Variants in COL4A2 observed in about 807,000 individuals in gnomAD.
The protein encoded by COL4A2 is collagen type IV alpha 2 chain, also known as collagen alpha-2(IV) chain.
Under a neutral mutation model 200.2 loss-of-function variants are expected in COL4A2, and 99 were observed. The ratio of observed to expected loss-of-function variants is 0.49; its 90% confidence interval spans 0.42 to 0.58. The LOEUF is 0.58. COL4A2 is among the 20% of genes least tolerant of loss of function. The probability of loss-of-function intolerance (pLI) is 0.00; values close to 1 mark genes in which losing one functional copy is unlikely to be tolerated. For synonymous variants in COL4A2, 897 were observed against 900.6 expected (o/e 1.00, Z 0.07); for missense variants, 1,950 against 2,314.1 (o/e 0.84, Z 3.23).
intron 3 of COL4A2, among the ~76,000 whole-genome samples, chr13:110,357,184 T>C (rs1238092626): frequency 6.6e-6 from 1 of 152,156 alleles, no homozygotes. Context: ...GTAACCAGCA[T>C]ACAGGTTGGT....
intron 4 of COL4A2, among the ~76,000 whole-genome samples, chr13:110,384,397 A>G (rs1318055904): frequency 6.6e-6 from 1 of 152,198 alleles, no homozygotes; most frequent in Non-Finnish European, 1.5e-5. Context: ...TTCGGTGTGA[A>G]GCATTATCAC....
intron 4 of COL4A2, among the ~76,000 whole-genome samples, chr13:110,358,842 G>A (rs1002910432): frequency 1.3e-5 from 2 of 152,108 alleles, no homozygotes; most frequent in African/African-American, 4.8e-5. Flanking sequence ...GCAAAATTGG[G>A]TCAATGTATA....
Position 110,480,397 on chromosome 13 carries a change from G to A in COL4A2, c.2758+7G>A. The A allele has an allele frequency of 1.9e-6, 3 of 1,607,268 alleles. No homozygotes were observed. Among genetic ancestry groups the A allele is most frequent in the Non-Finnish European group, 2.5e-6 (3 of 1,176,646 alleles). The stretch of plus-strand genomic sequence containing the variant: ...GGGACCCCCGGGCTAAAAGGTAATT[G>A]TGTGACTGTGACCAGGGATCCCTTG... On this transcript the variant is annotated splice_region_variant and intron_variant, in intron 31 of 47. Transcript: ENST00000360467.
At chr13:110,436,637 T>C (rs1880898353) in intron 13 of COL4A2, among the ~76,000 whole-genome samples, 1 of 151,922 alleles carries the variant, frequency 6.6e-6, no homozygotes, top group Non-Finnish European at 1.5e-5. Context: ...AAAAAACTTA[T>C]ATCTATCCTT....
chr13:110,505,543 G>A lies in COL4A2; in HGVS notation c.4403-872G>A, dbSNP rs1382641525. 4.6e-5 allele frequency among the ~76,000 whole-genome samples: 7 copies of A among 152,246 alleles called. No homozygotes were observed. The East Asian group carries it at 1.2e-3, about 25-fold the overall frequency. On this transcript the variant is annotated intron_variant, in intron 45 of 47. Transcript: ENST00000360467. The stretch of plus-strand genomic sequence containing the variant: ...AAGCTAGGGATGGTGGAGGGGAAGT[G>A]TCCTGGGAGAAAGGGCCATGACCAT...
intron 47 of COL4A2, among the ~76,000 whole-genome samples, chr13:110,510,673 GTGTGTGCA>G (rs747964446): frequency 1.1e-4 from 17 of 152,218 alleles, no homozygotes; most frequent in African/African-American, 1.7e-4. Flanking sequence ...TGTACACCAT[GTGTGTGCA>G]TGTGTGCATG....
chr13:110,383,435 C>G (rs1305086209), intron 4 of COL4A2, among the ~76,000 whole-genome samples: 1 of 152,096 alleles, frequency 6.6e-6, no homozygotes. Context: ...AATGCTAATA[C>G]TGTACTGCAG....
intron 4 of COL4A2, among the ~76,000 whole-genome samples, chr13:110,404,648 T>A (rs1302793040): frequency 2.6e-5 from 4 of 152,064 alleles, no homozygotes; most frequent in Non-Finnish European, 4.4e-5. Flanking sequence ...GGGAGGTGGG[T>A]CTGAGAAACA....
intron 3 of COL4A2, among the ~76,000 whole-genome samples, chr13:110,345,433 G>T (rs1409715936): frequency 6.6e-6 from 1 of 152,198 alleles, no homozygotes; most frequent in Non-Finnish European, 1.5e-5. Flanking sequence ...GAAGCCTGCT[G>T]TTCCTGGGAA....
intron 3 of COL4A2, among the ~76,000 whole-genome samples, chr13:110,343,211 G>C (rs1163576275): frequency 6.6e-6 from 1 of 152,004 alleles, no homozygotes; most frequent in East Asian, 1.9e-4. Context: ...GAGAGGAGTG[G>C]GATTGAAAAT....
chr13:110,503,333 G>GC (rs1883716897), intron 42 of COL4A2, 50 bp from the exon 43 acceptor site: 1 of 1,588,224 alleles, frequency 6.3e-7, no homozygotes, highest in South Asian at 1.1e-5. Flanking sequence ...AGTGAGAGGA[G>GC]CCCCCTCCCC....
chr13:110,476,735 G>A (rs528019470), intron 29 of COL4A2, among the ~76,000 whole-genome samples: 1 of 152,336 alleles, frequency 6.6e-6, no homozygotes, highest in Non-Finnish European at 1.5e-5. Flanking sequence ...CACGAAGAGA[G>A]GGGGAAATGC....
Position 110,486,786 on chromosome 13 carries a change from G to T in COL4A2, c.3207+950G>T, listed in dbSNP as rs145142570. On this transcript the variant is annotated intron_variant, in intron 34 of 47. Transcript: ENST00000360467. ...GTTGTTCTCTGGCGGGCAGGAGTGGGGGTCACAAGGTGCTCAGTAGGGGAG... is the reference window on the plus strand; with the variant it reads ...GTTGTTCTCTGGCGGGCAGGAGTGGTGGTCACAAGGTGCTCAGTAGGGGAG... Among the ~76,000 whole-genome samples, 716 of 152,196 alleles carry T rather than the reference G, an allele frequency of 4.7e-3. 8 individuals are homozygous for T. The highest frequency in any genetic ancestry group is 0.016 in the African/African-American group (683 of 41,522).
At position 110,482,664 on chromosome 13, in the gene COL4A2, G is replaced by C. The variant is rs377140964; in HGVS notation, c.2902+5G>C. 3.5e-5 allele frequency: 56 copies of C among 1,612,918 alleles called. No individual in the cohort carries two copies. Among genetic ancestry groups the C allele is most frequent in the Non-Finnish European group, 3.3e-5 (39 of 1,179,230 alleles). ...CTGGTGAGCCAGGTTTTAAAGGTAT[G>C]TCCCTCTCTTAACATCCTCCTTACC... On this transcript the variant is annotated splice_donor_5th_base_variant and intron_variant, in intron 32 of 47. Coordinates refer to ENST00000360467, the MANE Select transcript of COL4A2 (RefSeq NM_001846.4).
At chr13:110,444,243 C>T (rs1052531332) in intron 16 of COL4A2, among the ~76,000 whole-genome samples, 2 of 152,172 alleles carry the variant, frequency 1.3e-5, no homozygotes, top group African/African-American at 4.8e-5. Flanking sequence ...GTCTGGGGTG[C>T]TTGTTTTGTT....
chr13:110,420,126 G>GC (rs1880191350), intron 4 of COL4A2, among the ~76,000 whole-genome samples: 1 of 152,028 alleles, frequency 6.6e-6, no homozygotes. Flanking sequence ...CCCAGGTGAC[G>GC]CCGACACAGA....
At chr13:110,460,485 A>T (rs1188353595) in intron 22 of COL4A2, among the ~76,000 whole-genome samples, 1 of 152,200 alleles carries the variant, frequency 6.6e-6, no homozygotes, top group Non-Finnish European at 1.5e-5. Context: ...TGGCAAAGCT[A>T]GTAGGATCCT....
intron 18 of COL4A2, among the ~76,000 whole-genome samples, chr13:110,447,436 G>A (rs555611301): frequency 7.6e-4 from 115 of 152,222 alleles, no homozygotes; most frequent in African/African-American, 2.3e-3. Context: ...TGCGCATGTC[G>A]TCACTAATGC....
chr13:110,476,226 C>T lies in COL4A2; in HGVS notation c.2426-1777C>T, dbSNP rs200512679. Among the ~76,000 whole-genome samples, 369 of 152,224 alleles carry T rather than the reference C, an allele frequency of 2.4e-3. 3 individuals carry two copies. Among genetic ancestry groups the T allele is most frequent in the East Asian group, 0.017 (90 of 5,170 alleles). On this transcript the variant is annotated intron_variant, in intron 29 of 47. Transcript: ENST00000360467. ...GAGTGGGGTGGACCTGCCATCGCTG[C>T]GAATCCTTTACAGCCTGCAGTGCTG...
Sources: allele counts gnomAD v4.1 joint callset (sites outside exome capture counted in the v4.1 genomes callset), GRCh38; gene constraint gnomAD v4.1.1; transcripts MANE v1.5; gene names NCBI Gene and HGNC (gene_info 2026-07-23, HGNC 2026-07-21).